NDEL1: variants seen among roughly 807,000 people sequenced by gnomAD.
The protein encoded by NDEL1 is nudE neurodevelopment protein 1 like 1, also known as nuclear distribution protein nudE-like 1.
NDEL1 carries 9 observed loss-of-function variants against 45.7 expected under a neutral mutation model. The observed-to-expected ratio is 0.20, with a 90% CI of 0.12 to 0.34. The LOEUF is 0.34. Ranked by LOEUF, NDEL1 falls within the 10% of genes least tolerant of loss-of-function variation. The pLI is 1.00. For missense variants in NDEL1, 306 were observed against 406.2 expected (o/e 0.75, Z 2.12); for synonymous variants, 133 against 158.6 (o/e 0.84, Z 1.21).
intron 8 of NDEL1, among the ~76,000 whole-genome samples, chr17:8,462,539 A>G (rs888945078): frequency 6.6e-6 from 1 of 152,194 alleles, no homozygotes; most frequent in African/African-American, 2.4e-5. Flanking sequence ...GCAGCCGCAA[A>G]AGGAAGGGCA....
At chr17:8,470,339 TG>T (rs1178976325), downstream of NDEL1, among the ~76,000 whole-genome samples, 1 of 152,074 alleles carries the variant, frequency 6.6e-6, no homozygotes. This position sits in a 1 kb window ranked among gnomAD's most constrained non-coding sequence, Gnocchi z 4.2. Flanking sequence ...TCCCTGCTGG[TG>T]GGGCTGATCT....
At chr17:8,469,161 TG>T (rs1911769568), downstream of NDEL1, among the ~76,000 whole-genome samples, 1 of 152,240 alleles carries the variant, frequency 6.6e-6, no homozygotes, top group African/African-American at 2.4e-5. Flanking sequence ...GGGTGTGTGC[TG>T]TGCTTGGCTG....
At chr17:8,455,830 C>T (rs1910807148) in intron 7 of NDEL1, among the ~76,000 whole-genome samples, 1 of 152,022 alleles carries the variant, frequency 6.6e-6, no homozygotes, top group South Asian at 2.1e-4. Flanking sequence ...CTCTTGCTTT[C>T]ACTTCCTTTC....
intron 1 of NDEL1, among the ~76,000 whole-genome samples, chr17:8,421,127 G>A (rs1908696056): frequency 6.6e-6 from 1 of 152,140 alleles, no homozygotes. Context: ...TTTAGAATGA[G>A]GTTAATGGAA....
At chr17:8,449,504 T>G (rs981039392) in intron 5 of NDEL1, among the ~76,000 whole-genome samples, 6 of 152,172 alleles carry the variant, frequency 3.9e-5, no homozygotes, top group African/African-American at 9.7e-5. Flanking sequence ...TTTTTAGAAC[T>G]TTTTCATCTT....
chr17:8,441,882 A>G (rs1194100821), intron 1 of NDEL1, among the ~76,000 whole-genome samples: 1 of 152,090 alleles, frequency 6.6e-6, no homozygotes, highest in Non-Finnish European at 1.5e-5. Context: ...GGAAGTGTGT[A>G]GGAGGTAGCC....
At chr17:8,431,849 A>T (rs998660168), upstream of NDEL1, 1 of 150,286 alleles carries the variant, frequency 6.7e-6, no homozygotes, top group Admixed American at 6.7e-5. Context: ...TTATTTCTCA[A>T]CGTAAGCTCC....
At chr17:8,457,484 A>G (rs1910918899) in intron 7 of NDEL1, among the ~76,000 whole-genome samples, 1 of 152,162 alleles carries the variant, frequency 6.6e-6, no homozygotes, top group Admixed American at 6.5e-5. Flanking sequence ...CGACCTCCAA[A>G]AGTCATCAAC....
chr17:8,454,613 A>G (rs1910716613), intron 6 of NDEL1, among the ~76,000 whole-genome samples, 183 bp from the exon 7 acceptor site: 2 of 152,354 alleles, frequency 1.3e-5, no homozygotes, highest in East Asian at 1.9e-4. Context: ...AAAATTTGAT[A>G]TAATGTAAAT....
Position 8,444,248 on chromosome 17 carries a change from A to G in NDEL1, c.-12-12A>G, listed in dbSNP as rs768779095. The G allele has an allele frequency of 1.0e-5, 16 of 1,536,832 alleles. No homozygotes were observed. Among genetic ancestry groups the G allele is most frequent in the Non-Finnish European group, 1.3e-5 (14 of 1,114,692 alleles). On this transcript the variant is annotated splice_polypyrimidine_tract_variant and intron_variant, in intron 1 of 8. Transcript: ENST00000334527. ...TCTCTAATTTGTTAAGTTTGTCTTT[A>G]ATATTTCACAGGCTTTCTTGATCAT...
chr17:8,456,456 T>G (rs902623800), intron 7 of NDEL1, among the ~76,000 whole-genome samples: 32 of 151,888 alleles, frequency 2.1e-4, no homozygotes, highest in Non-Finnish European at 3.5e-4. Context: ...ACTTTAACAT[T>G]CTTGAACTTT....
intron 1 of NDEL1, among the ~76,000 whole-genome samples, chr17:8,418,663 T>TTCCC (rs541517662): frequency 5.3e-5 from 8 of 151,248 alleles, no homozygotes; most frequent in Admixed American, 2.0e-4. Flanking sequence ...CCTTCCTTCC[T>TTCCC]TCCCTCCCTC....
At chr17:8,432,903 C>T (rs879346885), upstream of NDEL1, among the ~76,000 whole-genome samples, 2 of 152,108 alleles carry the variant, frequency 1.3e-5, no homozygotes, top group African/African-American at 4.8e-5. Flanking sequence ...AAAACACTCT[C>T]GTAATAAGTA....
chr17:8,446,678 T>C (rs200866318), intron 3 of NDEL1, 76 bp from the exon 4 acceptor site: 1 of 1,443,604 alleles, frequency 6.9e-7, no homozygotes, highest in Non-Finnish European at 9.5e-7. Context: ...CCCCCCACCC[T>C]TTTAACTTGA....
chr17:8,432,148 C>A (rs2067018108), upstream of NDEL1: 1 of 151,434 alleles, frequency 6.6e-6, no homozygotes, highest in African/African-American at 2.4e-5. Flanking sequence ...CAGGTGTGAG[C>A]CACTGTGCCC....
At chr17:8,448,265 T>C (rs1408144702) in intron 4 of NDEL1, among the ~76,000 whole-genome samples, 2 of 152,230 alleles carry the variant, frequency 1.3e-5, no homozygotes, top group African/African-American at 2.4e-5. Context: ...CTTGATTGTA[T>C]TGTGTTCAAA....
At chr17:8,442,775 T>A (rs1050018129) in intron 1 of NDEL1, among the ~76,000 whole-genome samples, 5 of 130,790 alleles carry the variant, frequency 3.8e-5, no homozygotes, top group Non-Finnish European at 7.9e-5. Context: ...TTTATTTATT[T>A]ACTTTTTTTT....
At chr17:8,435,072 A>AAAACAAAC (rs151006832), upstream of NDEL1, among the ~76,000 whole-genome samples, 1,135 of 151,398 alleles carry the variant, frequency 7.5e-3, 7 homozygotes, top group Non-Finnish European at 0.011. Context: ...CTCCGTCTCA[A>AAAACAAAC]AAACAAACAA....
At chr17:8,433,660 C>A (rs191090379), upstream of NDEL1, among the ~76,000 whole-genome samples, 223 of 152,226 alleles carry the variant, frequency 1.5e-3, no homozygotes, top group Non-Finnish European at 2.0e-3. Context: ...CAAGTTAGAA[C>A]AAATTTATTT....
Sources: allele counts gnomAD v4.1 joint callset (sites outside exome capture counted in the v4.1 genomes callset), GRCh38; gene constraint gnomAD v4.1.1; non-coding constraint Gnocchi (gnomAD v3.1); transcripts MANE v1.5; gene names NCBI Gene and HGNC (gene_info 2026-07-23, HGNC 2026-07-21).